AFDN: variants seen among roughly 807,000 people sequenced by gnomAD.
AFDN encodes the protein afadin, adherens junction formation factor.
Under a neutral mutation model 216.6 loss-of-function variants are expected in AFDN, and 68 were observed. That is an observed-to-expected ratio of 0.31 (90% CI 0.26 to 0.38). The LOEUF (loss-of-function observed/expected upper bound fraction) is 0.38, where lower values mean the gene tolerates loss of function less well. Among genes scored for constraint, AFDN ranks in the 10% least tolerant of loss-of-function variants. The pLI, the probability that AFDN is intolerant of heterozygous loss-of-function variation, is 1.00. For synonymous variants in AFDN, 868 were observed against 853.7 expected, an observed-to-expected ratio of 1.02 and a Z score of -0.29; for missense variants, 2,136 against 2,342.0, an observed-to-expected ratio of 0.91 and a Z score of 1.82.
chr6:167,875,282 T>G, intron 4 of AFDN, 53 bp from the exon 5 acceptor site: 1 of 1,558,682 alleles, frequency 6.4e-7, no homozygotes, highest in East Asian at 2.2e-5. Context: ...ATGTGTCTAT[T>G]TCTAATAAGA....
chr6:167,922,996 C>T (rs868568720), intron 22 of AFDN, 37 bp downstream of exon 22: 1 of 1,377,434 alleles, frequency 7.3e-7, no homozygotes, highest in Non-Finnish European at 1.0e-6. Flanking sequence ...TGAAATGGAT[C>T]CTTAGGACTT....
chr6:167,969,785 A>G lies in AFDN; in HGVS notation c.5346A>G (p.Gln1782=). The G allele has an allele frequency of 6.2e-7, 1 of 1,606,616 alleles. No homozygotes were observed. The highest frequency in any genetic ancestry group is 8.5e-7 in the Non-Finnish European group (1 of 1,178,208). ...TTGATATTGCCCTCTTCTGCAGCCA[A>G]GATGCAGATTCACCTGGAAGTTCTG... is the stretch of plus-strand genomic sequence containing the variant. ...RDAKEKRSKS[Q]DADSPGSSGA... is the part of the protein sequence containing the mutation. Residue 1782 remains glutamine, a synonymous_variant, in exon 34 of 34, where the codon CAA becomes CAG. Transcript: ENST00000683244.
intron 30 of AFDN, chr6:167,952,552 A>G (rs1040880947): frequency 4.1e-6 from 4 of 974,740 alleles, no homozygotes; most frequent in Non-Finnish European, 4.9e-6. Context: ...TTCCAGGGCC[A>G]GATTGATACT....
Position 167,896,874 on chromosome 6 carries a change from A to C in AFDN, c.1223-4A>C, listed in dbSNP as rs1788326310. 1.9e-6 allele frequency: 3 copies of C among 1,594,758 alleles called. No homozygotes were observed. The highest frequency in any genetic ancestry group is 3.4e-5 in the Admixed American group (2 of 59,698). Reference sequence around the variant, plus strand: ...ATAGAGCTGTCTTCCTTCTCTTCTCACAGATGGTTCTGACTCTAGAGATAA... The same window carrying C: ...ATAGAGCTGTCTTCCTTCTCTTCTCCCAGATGGTTCTGACTCTAGAGATAA... On this transcript the variant is annotated splice_polypyrimidine_tract_variant and splice_region_variant and intron_variant, in intron 9 of 33. Coordinates refer to ENST00000683244, the MANE Select transcript of AFDN (RefSeq NM_001386888.1).
chr6:167,879,233 A>G (rs1785809423), intron 5 of AFDN, among the ~76,000 whole-genome samples: 1 of 152,200 alleles, frequency 6.6e-6, no homozygotes, highest in Non-Finnish European at 1.5e-5. Flanking sequence ...TTCTAATACT[A>G]CTGTGGACTA....
At position 167,948,399 on chromosome 6, in the gene AFDN, C is replaced by T. The variant is rs1251014099; in HGVS notation, c.3752C>T (p.Pro1251Leu). The T allele has an allele frequency of 3.7e-6, 6 of 1,614,032 alleles. No homozygotes were observed. The highest frequency in any genetic ancestry group is 4.2e-6 in the Non-Finnish European group (5 of 1,180,034). ...TCCAAATCCCAGGATCGGATGGCTC[C>T]TCCTCAGAACCAGTGGCCAAATTAT... ...PASKSQDRMA[P>L]PQNQWPNYEE... Residue 1251 changes from proline (P) to leucine (L), a missense_variant, in exon 29 of 34, where the codon CCT becomes CTT. Pro to Leu is a moderately conservative substitution (Grantham distance 98, BLOSUM62 -3). Transcript: ENST00000683244.
intron 1 of AFDN, among the ~76,000 whole-genome samples, chr6:167,844,319 C>G (rs1781401094): frequency 6.6e-6 from 1 of 151,854 alleles, no homozygotes; most frequent in South Asian, 2.1e-4. Context: ...CAGGAATGCA[C>G]CATTGTAGCA....
intron 15 of AFDN, 56 bp downstream of exon 15, chr6:167,911,545 G>T: frequency 6.6e-7 from 1 of 1,514,228 alleles, no homozygotes. Context: ...TAATTGCTAA[G>T]CCAGTGAATT....
intron 5 of AFDN, among the ~76,000 whole-genome samples, chr6:167,876,452 A>G (rs1785392197): frequency 6.6e-6 from 1 of 152,246 alleles, no homozygotes; most frequent in African/African-American, 2.4e-5. Flanking sequence ...CAAAACAAGG[A>G]GTCTGAAAGA....
chr6:167,969,245 GC>G (rs770192727), intron 33 of AFDN, 47 bp downstream of exon 33: 2 of 1,383,276 alleles, frequency 1.4e-6, no homozygotes, highest in Non-Finnish European at 2.1e-6. Flanking sequence ...TACCTGATGA[GC>G]CCTTTCACTC....
chr6:167,873,421 A>C (rs1260671893), intron 4 of AFDN, among the ~76,000 whole-genome samples: 2 of 152,260 alleles, frequency 1.3e-5, no homozygotes, highest in Admixed American at 1.3e-4. Context: ...TAGTTCTTCC[A>C]TAATTTATGT....
At chr6:167,920,398 G>A (rs1256487522) in intron 21 of AFDN, among the ~76,000 whole-genome samples, 2 of 152,154 alleles carry the variant, frequency 1.3e-5, no homozygotes, top group African/African-American at 4.8e-5. Context: ...CAAGCGGCAG[G>A]CACTCGGCCA....
chr6:167,841,507 G>A (rs976311419), intron 1 of AFDN, among the ~76,000 whole-genome samples: 2 of 152,064 alleles, frequency 1.3e-5, no homozygotes, highest in Non-Finnish European at 2.9e-5. Flanking sequence ...AAAAAATACT[G>A]TACAACGATG....
chr6:167,878,604 T>TCC (rs1274104768), intron 5 of AFDN, among the ~76,000 whole-genome samples: 1 of 140,914 alleles, frequency 7.1e-6, no homozygotes, highest in Non-Finnish European at 1.6e-5. Flanking sequence ...TCTCTCTCTC[T>TCC]CTGTCTCTCT....
intron 19 of AFDN, among the ~76,000 whole-genome samples, chr6:167,916,825 T>A (rs1463143230): frequency 1.3e-5 from 2 of 152,212 alleles, no homozygotes; most frequent in Non-Finnish European, 2.9e-5. Context: ...AGAGAGTTTT[T>A]AAAATGCTTT....
rs1428023313 is a variant in AFDN, at chr6:167,889,277, T to C, written c.960T>C (p.Asp320=). The change falls in exon 7 of 34, where the codon GAT becomes GAC. Residue 320 remains aspartate, a synonymous_variant. Coordinates refer to ENST00000683244, the MANE Select transcript of AFDN (RefSeq NM_001386888.1). ...DEKGAKEIIL[D]DDECPLQIFR... is the part of the protein sequence containing the mutation. ...AGGGTGCTAAAGAAATTATTCTTGA[T>C]GATGATGAGTGTCCTTTACAAATCT... 1.9e-6 allele frequency: 3 copies of C among 1,614,018 alleles called. No homozygotes were observed. Among genetic ancestry groups the C allele is most frequent in the African/African-American group, 1.3e-5 (1 of 74,936 alleles).
intron 28 of AFDN, 41 bp downstream of exon 28, chr6:167,947,985 C>T: frequency 1.4e-6 from 2 of 1,451,552 alleles, no homozygotes; most frequent in South Asian, 2.3e-5. Flanking sequence ...ACTGCATTTC[C>T]ATCCTTAGGG....
In AFDN at chr6:167,915,238, C is replaced by T; in HGVS notation, c.2370C>T (p.Thr790=). 1 of 1,614,234 alleles carries T rather than the reference C, an allele frequency of 6.2e-7. No individual in the cohort carries two copies. Residue 790 remains threonine (T), a synonymous_variant, in exon 19 of 34, where the codon ACC becomes ACT. Coordinates refer to ENST00000683244, the MANE Select transcript of AFDN (RefSeq NM_001386888.1). ...LRRCRVNAAL[T]IQLFSQLFHF... ...GCTGCAGAGTCAATGCCGCCCTGAC[C>T]ATCCAGCTCTTCTCTCAGCTCTTCC...
chr6:167,943,318 T>C, intron 24 of AFDN, 84 bp from the exon 25 acceptor site: 2 of 1,426,346 alleles, frequency 1.4e-6, no homozygotes, highest in Non-Finnish European at 2.0e-6. Flanking sequence ...ACAAATAGAG[T>C]ATCTACTCAT....
Sources: gnomAD v4.1 joint callset for allele counts (sites outside exome capture counted in the v4.1 genomes callset) on GRCh38, gnomAD v4.1.1 for gene constraint, MANE v1.5 for transcripts, NCBI Gene and HGNC (gene_info 2026-07-23, HGNC 2026-07-21) for gene names.